ADGRL2: variants seen among roughly 807,000 people sequenced by gnomAD.
ADGRL2 encodes adhesion G protein-coupled receptor L2, also known as calcium-independent alpha-latrotoxin receptor 2.
A neutral mutation model predicts 157.4 loss-of-function variants in ADGRL2; 44 were observed. The observed-to-expected ratio is 0.28, with a 90% CI of 0.22 to 0.36. The LOEUF (loss-of-function observed/expected upper bound fraction) is 0.36, where lower values mean the gene tolerates loss of function less well. Ranked by LOEUF, ADGRL2 falls within the 10% of genes least tolerant of loss-of-function variation. The pLI, the probability that ADGRL2 is intolerant of heterozygous loss-of-function variation, is 1.00. For missense variants in ADGRL2, 1,510 were observed against 1,768.9 expected (o/e 0.85, Z 2.63); for synonymous variants, 585 against 624.7 (o/e 0.94, Z 0.95).
intron 1 of ADGRL2, among the ~76,000 whole-genome samples, chr1:81,355,365 A>G (rs922224108): frequency 3.9e-5 from 6 of 152,228 alleles, no homozygotes; most frequent in African/African-American, 1.4e-4. Flanking sequence ...TCTCAAAAAA[A>G]GAGAAAAAGA....
At chr1:81,312,609 C>T (rs1351829166) in intron 1 of ADGRL2, among the ~76,000 whole-genome samples, 1 of 152,160 alleles carries the variant, frequency 6.6e-6, no homozygotes, top group Admixed American at 6.5e-5. Flanking sequence ...CATTTTGTTT[C>T]TCAGCTCTTA....
At chr1:81,458,206 T>G (rs1027283159) in intron 2 of ADGRL2, among the ~76,000 whole-genome samples, 1 of 152,144 alleles carries the variant, frequency 6.6e-6, no homozygotes, top group Admixed American at 6.5e-5. Context: ...TGGTAAATAT[T>G]GTTTGTGATG....
intron 3 of ADGRL2, among the ~76,000 whole-genome samples, chr1:81,651,365 G>A (rs1354741420): frequency 6.6e-6 from 1 of 152,142 alleles, no homozygotes; most frequent in African/African-American, 2.4e-5. Flanking sequence ...GTAGGTTGGG[G>A]CAGAGTCTTG....
chr1:81,654,280 T>C (rs902527505), intron 3 of ADGRL2, among the ~76,000 whole-genome samples: 5 of 152,190 alleles, frequency 3.3e-5, no homozygotes, highest in Non-Finnish European at 5.9e-5. Context: ...TTTCCATTAA[T>C]GACATCAGCA....
intron 3 of ADGRL2, among the ~76,000 whole-genome samples, chr1:81,662,028 ATAG>A (rs2148883052): frequency 6.6e-6 from 1 of 152,208 alleles, no homozygotes; most frequent in South Asian, 2.1e-4. Flanking sequence ...TTGTGGGTAC[ATAG>A]TAGAAGTATA....
upstream of ADGRL2, among the ~76,000 whole-genome samples, chr1:81,795,517 A>G (rs957305711): frequency 2.6e-5 from 4 of 152,246 alleles, no homozygotes; most frequent in Non-Finnish European, 4.4e-5. Context: ...TAAGTGTTAT[A>G]CACACTTGAA....
chr1:81,973,732 C>G (rs1427216531), intron 17 of ADGRL2, among the ~76,000 whole-genome samples: 1 of 152,118 alleles, frequency 6.6e-6, no homozygotes, highest in Admixed American at 6.5e-5. Flanking sequence ...ATGTGAATGG[C>G]TTTTTCAACA....
chr1:81,773,218 T>C (rs1218508729), intron 2 of ADGRL2, among the ~76,000 whole-genome samples: 1 of 152,220 alleles, frequency 6.6e-6, no homozygotes, highest in Non-Finnish European at 1.5e-5. Flanking sequence ...TTAAACTTCC[T>C]AGGGATCCAT....
intron 11 of ADGRL2, among the ~76,000 whole-genome samples, chr1:81,961,535 T>C (rs999144478): frequency 6.7e-6 from 1 of 149,536 alleles, no homozygotes; most frequent in Non-Finnish European, 1.5e-5. Context: ...GAGACGGAGT[T>C]TTGCTCTTGT....
chr1:81,753,863 G>T (rs1465009647), intron 1 of ADGRL2, among the ~76,000 whole-genome samples: 2 of 152,078 alleles, frequency 1.3e-5, no homozygotes, highest in Non-Finnish European at 2.9e-5. Flanking sequence ...AATCCCAGAA[G>T]CTGAATGTCT....
At chr1:81,779,455 G>A (rs2086725684) in intron 2 of ADGRL2, among the ~76,000 whole-genome samples, 1 of 151,896 alleles carries the variant, frequency 6.6e-6, no homozygotes, top group Admixed American at 6.6e-5. Context: ...TTCCTTTATT[G>A]ATCGCCCTCC....
chr1:81,664,824 T>A (rs2082722968), intron 3 of ADGRL2, among the ~76,000 whole-genome samples: 1 of 152,206 alleles, frequency 6.6e-6, no homozygotes, highest in Non-Finnish European at 1.5e-5. Context: ...TAATCTTATT[T>A]GGATATTATA....
chr1:81,310,330 A>G (rs556221912), intron 1 of ADGRL2, among the ~76,000 whole-genome samples: 117 of 152,238 alleles, frequency 7.7e-4, no homozygotes, highest in Middle Eastern at 3.4e-3. Context: ...TTTCCTCCCA[A>G]TGTGAAAAGA....
intron 1 of ADGRL2, among the ~76,000 whole-genome samples, chr1:81,335,850 A>G (rs536518999): frequency 1.3e-5 from 2 of 150,016 alleles, no homozygotes; most frequent in African/African-American, 4.9e-5. Flanking sequence ...AAAAAAAAAC[A>G]AAAAACAAAA....
chr1:81,671,671 C>G (rs929343129), intron 3 of ADGRL2, among the ~76,000 whole-genome samples: 13 of 152,142 alleles, frequency 8.5e-5, no homozygotes, highest in African/African-American at 1.4e-4. Flanking sequence ...CGCTACCACA[C>G]CCGGCTAATT....
intron 1 of ADGRL2, among the ~76,000 whole-genome samples, chr1:81,826,289 G>A (rs1275327561): frequency 6.6e-6 from 1 of 152,174 alleles, no homozygotes; most frequent in Non-Finnish European, 1.5e-5. Context: ...GCAATTGAAG[G>A]TTATATGTAT....
At chr1:81,462,373 C>G (rs944274824) in intron 2 of ADGRL2, among the ~76,000 whole-genome samples, 2 of 152,096 alleles carry the variant, frequency 1.3e-5, no homozygotes, top group African/African-American at 4.8e-5. Flanking sequence ...GCTACTCAGT[C>G]TTTGGGTCTG....
At chr1:81,841,530 T>G (rs2092579432) in intron 2 of ADGRL2, among the ~76,000 whole-genome samples, 1 of 152,232 alleles carries the variant, frequency 6.6e-6, no homozygotes, top group Non-Finnish European at 1.5e-5. Flanking sequence ...GATTAGTAAC[T>G]TTATTCTCCA....
At chr1:81,890,627 G>A (rs528477472) in intron 2 of ADGRL2, among the ~76,000 whole-genome samples, 22 of 152,100 alleles carry the variant, frequency 1.4e-4, no homozygotes, top group Non-Finnish European at 2.8e-4. Flanking sequence ...TATTTTGCTT[G>A]AGCAAAATAT....
Sources: gnomAD v4.1 joint callset for allele counts (sites outside exome capture counted in the v4.1 genomes callset) on GRCh38, gnomAD v4.1.1 for gene constraint, MANE v1.5 for transcripts, NCBI Gene and HGNC (gene_info 2026-07-23, HGNC 2026-07-21) for gene names.